Variants in PLPP4 observed in about 807,000 individuals in gnomAD.
PLPP4 encodes the protein diacylglycerol pyrophosphate like 2.
PLPP4 carries 20 observed loss-of-function variants against 32.2 expected under a neutral mutation model. That is an observed-to-expected ratio of 0.62 (90% CI 0.44 to 0.90). The LOEUF (loss-of-function observed/expected upper bound fraction) is 0.90. Ranked by LOEUF, PLPP4 falls within the 40% of genes least tolerant of loss-of-function variation. The pLI is 0.00. For synonymous variants in PLPP4, 127 were observed against 133.0 expected (o/e 0.95, Z 0.31); for missense variants, 257 against 353.1 (o/e 0.73, Z 2.18).
intron 1 of PLPP4, among the ~76,000 whole-genome samples, chr10:120,489,083 A>G (rs1221654523): frequency 1.3e-5 from 2 of 152,144 alleles, no homozygotes; most frequent in African/African-American, 2.4e-5. Flanking sequence ...GCCTCTGAAG[A>G]TGACGTCTCA....
intron 5 of PLPP4, among the ~76,000 whole-genome samples, chr10:120,564,126 T>C (rs1848576625): frequency 6.6e-6 from 1 of 152,118 alleles, no homozygotes; most frequent in Non-Finnish European, 1.5e-5. Context: ...AATTTTCCTT[T>C]AAATGTTGCA....
intron 2 of PLPP4, among the ~76,000 whole-genome samples, chr10:120,506,354 T>C (rs1310903637): frequency 6.6e-6 from 1 of 152,214 alleles, no homozygotes; most frequent in East Asian, 1.9e-4. Context: ...AAAAGATTTG[T>C]TCTCCTGGGT....
chr10:120,484,655 G>A (rs1414574422), intron 1 of PLPP4, among the ~76,000 whole-genome samples: 2 of 152,156 alleles, frequency 1.3e-5, no homozygotes, highest in East Asian at 3.8e-4. Context: ...TTGCATTGGG[G>A]ATCACCTCTT....
chr10:120,483,996 A>G (rs929795192), intron 1 of PLPP4, among the ~76,000 whole-genome samples: 1 of 152,204 alleles, frequency 6.6e-6, no homozygotes, highest in East Asian at 1.9e-4. Context: ...ACTAAGACAG[A>G]GGGAGAGAGA....
At chr10:120,560,329 C>A (rs1023910769) in intron 5 of PLPP4, among the ~76,000 whole-genome samples, 107 of 130,524 alleles carry the variant, frequency 8.2e-4, no homozygotes, top group East Asian at 1.5e-3. Flanking sequence ...AGGACCATTG[C>A]AAAAAAAAAA....
At chr10:120,520,261 T>C (rs1005206624) in intron 4 of PLPP4, among the ~76,000 whole-genome samples, 3 of 152,182 alleles carry the variant, frequency 2.0e-5, no homozygotes, top group African/African-American at 7.2e-5. Flanking sequence ...GCACTGTGTC[T>C]TCTGCATCAT....
rs373773338 is a variant in PLPP4, at chr10:120,457,961, T to C, written c.56+600T>C. 6.8e-4 allele frequency among the ~76,000 whole-genome samples: 104 copies of C among 152,316 alleles called. No homozygotes were observed. The East Asian group carries it at 0.02, about 29-fold the overall frequency. Reference sequence around the variant, plus strand: ...ACACACCCTGGAGCTCTGTGCCCGGTCGATGTCCGCTTTGGGGGCGGAGGC... The same window carrying C: ...ACACACCCTGGAGCTCTGTGCCCGGCCGATGTCCGCTTTGGGGGCGGAGGC... On this transcript the variant is annotated intron_variant, in intron 1 of 6. Coordinates refer to ENST00000398250, the MANE Select transcript of PLPP4 (RefSeq NM_001030059.3).
At chr10:120,567,043 G>T in intron 5 of PLPP4, among the ~76,000 whole-genome samples, 1 of 149,580 alleles carries the variant, frequency 6.7e-6, no homozygotes, top group East Asian at 2.0e-4. Context: ...CTGTGTCCTT[G>T]CACCCTAGGT....
intron 1 of PLPP4, among the ~76,000 whole-genome samples, chr10:120,494,854 G>A (rs970356262): frequency 6.6e-6 from 1 of 152,128 alleles, no homozygotes; most frequent in Non-Finnish European, 1.5e-5. Context: ...TCTGATCTCA[G>A]TTGTCCACAC....
At chr10:120,502,989 A>G (rs911908202) in intron 1 of PLPP4, among the ~76,000 whole-genome samples, 4 of 152,120 alleles carry the variant, frequency 2.6e-5, no homozygotes, top group African/African-American at 9.7e-5. Context: ...CAGGTTCTCC[A>G]TGCCATCCAT....
intron 1 of PLPP4, among the ~76,000 whole-genome samples, chr10:120,477,248 G>A (rs7894236): frequency 1.2e-3 from 55 of 44,868 alleles, no homozygotes; most frequent in East Asian, 4.3e-3. Context: ...GGTTCAAAAA[G>A]AAAAGAAAAA....
At chr10:120,581,029 C>T (rs901727721) in intron 6 of PLPP4, 52 of 1,288,886 alleles carry the variant, frequency 4.0e-5, no homozygotes, top group Non-Finnish European at 4.6e-5. Context: ...CCTAGGAGAG[C>T]GTAAGAAGCC....
At position 120,591,177 on chromosome 10, in the gene PLPP4, G is replaced by A. The variant is rs1849981217; in HGVS notation, c.*1675G>A. Among the ~76,000 whole-genome samples, 1 of 152,198 alleles carries A rather than the reference G, an allele frequency of 6.6e-6. No homozygotes were observed. The stretch of plus-strand genomic sequence containing the variant: ...CCTGGGCTGCGTGTGCAAGTTAGAA[G>A]CATCAGAATATCTTTGATCAGCCAT... On this transcript the variant is annotated 3_prime_UTR_variant, in exon 7 of 7. Coordinates refer to ENST00000398250, the MANE Select transcript of PLPP4 (RefSeq NM_001030059.3).
At position 120,575,346 on chromosome 10, in the gene PLPP4, C is replaced by A. The variant is rs371773444; in HGVS notation, c.616+45C>A. On this transcript the variant is annotated intron_variant, in intron 6 of 6. Coordinates refer to ENST00000398250, the MANE Select transcript of PLPP4 (RefSeq NM_001030059.3). ...CTGACTAGTCCTCACTGTGGTTGCC[C>A]CTCTCCTCCAGGGATGGGTGTAGAA... 7.6e-6 allele frequency: 12 copies of A among 1,585,726 alleles called. No homozygotes were observed. In the African/African-American group the frequency reaches 1.1e-4, roughly 14 times the overall value.
intron 5 of PLPP4, among the ~76,000 whole-genome samples, chr10:120,559,387 T>C (rs1169258642): frequency 6.6e-6 from 1 of 152,142 alleles, no homozygotes; most frequent in African/African-American, 2.4e-5. Context: ...TATTAATTCT[T>C]TTATTTTATA....
intron 5 of PLPP4, among the ~76,000 whole-genome samples, chr10:120,545,528 C>A (rs1310276791): frequency 6.6e-6 from 1 of 152,144 alleles, no homozygotes; most frequent in East Asian, 1.9e-4. Context: ...TTGTGTCCCT[C>A]CAGCATTTGG....
intron 1 of PLPP4, among the ~76,000 whole-genome samples, chr10:120,483,466 G>A (rs188738947): frequency 1.2e-3 from 190 of 152,324 alleles, no homozygotes; most frequent in African/African-American, 4.5e-3. Flanking sequence ...AAGTTAATGA[G>A]TGTAAAGCAC....
At chr10:120,581,164 C>T in intron 6 of PLPP4, 1 of 985,440 alleles carries the variant, frequency 1.0e-6, no homozygotes, top group Non-Finnish European at 1.2e-6. Context: ...CCTGGTGTTT[C>T]CCCGTGATGT....
Position 120,571,093 on chromosome 10 carries a change from C to CGTGTGTGT in PLPP4, c.446-4006_446-3999dup, listed in dbSNP as rs60011757. On this transcript the variant is annotated intron_variant, in intron 5 of 6. Coordinates refer to ENST00000398250, the MANE Select transcript of PLPP4 (RefSeq NM_001030059.3). ...TTCCTTCCCATCAGTAGTAAAGGGG[C>CGTGTGTGT]GTGTGTGTGTGTGTGTGTGTGTGTG... is the stretch of plus-strand genomic sequence containing the variant. Among the ~76,000 whole-genome samples the CGTGTGTGT allele has an allele frequency of 9.3e-3, 1,345 of 144,622 alleles. 10 individuals are homozygous for CGTGTGTGT. Among genetic ancestry groups the CGTGTGTGT allele is most frequent in the East Asian group, 0.022 (105 of 4,814 alleles). 94.9% of individuals were successfully genotyped at this position (144,622 alleles called of 152,430 possible).
Sources: gnomAD v4.1 joint callset for allele counts (sites outside exome capture counted in the v4.1 genomes callset) on GRCh38, gnomAD v4.1.1 for gene constraint, MANE v1.5 for transcripts, NCBI Gene and HGNC (gene_info 2026-07-23, HGNC 2026-07-21) for gene names.